DTNBP1: variants seen among roughly 807,000 people sequenced by gnomAD.
DTNBP1 encodes dysbindin.
A neutral mutation model predicts 42.8 loss-of-function variants in DTNBP1; 35 were observed. The ratio of observed to expected loss-of-function variants is 0.82; its 90% CI spans 0.63 to 1.09. DTNBP1 has a LOEUF of 1.09. Among genes scored for constraint, DTNBP1 ranks in the 50% least tolerant of loss-of-function variants. The pLI is 0.00. For missense variants in DTNBP1, 457 were observed against 424.2 expected, an observed-to-expected ratio of 1.08 and a Z score of -0.68; for synonymous variants, 171 against 162.2, an observed-to-expected ratio of 1.05 and a Z score of -0.41.
intron 6 of DTNBP1, among the ~76,000 whole-genome samples, chr6:15,611,835 G>C (rs553196958): frequency 6.6e-6 from 1 of 152,308 alleles, no homozygotes; most frequent in East Asian, 1.9e-4. Flanking sequence ...AACAGATGAG[G>C]AGTTACTTCC....
intron 7 of DTNBP1, among the ~76,000 whole-genome samples, chr6:15,544,061 G>A (rs1257097920): frequency 1.3e-5 from 2 of 152,178 alleles, no homozygotes; most frequent in Non-Finnish European, 2.9e-5. Context: ...GTGACACCAA[G>A]CATTTACTTC....
chr6:15,642,115 G>A (rs1562008831), intron 3 of DTNBP1, among the ~76,000 whole-genome samples: 1 of 152,094 alleles, frequency 6.6e-6, no homozygotes, highest in Non-Finnish European at 1.5e-5. Flanking sequence ...AGGAAGGGTA[G>A]GGCCCAACTC....
chr6:15,626,372 T>C (rs988607992), intron 5 of DTNBP1, among the ~76,000 whole-genome samples: 1 of 152,236 alleles, frequency 6.6e-6, no homozygotes, highest in Non-Finnish European at 1.5e-5. Flanking sequence ...GTATCTATTT[T>C]GTTCACACAC....
At chr6:15,635,766 C>T (rs1759971646) in intron 4 of DTNBP1, among the ~76,000 whole-genome samples, 1 of 152,166 alleles carries the variant, frequency 6.6e-6, no homozygotes, top group South Asian at 2.1e-4. Flanking sequence ...TTGACTCTCT[C>T]TTGTACCTCA....
intron 7 of DTNBP1, among the ~76,000 whole-genome samples, chr6:15,548,523 G>C (rs1774026703): frequency 6.6e-6 from 1 of 151,320 alleles, no homozygotes; most frequent in Non-Finnish European, 1.5e-5. Context: ...AAGGCAGGAA[G>C]GACGTTTTTT....
chr6:15,652,177 C>T, intron 1 of DTNBP1, 37 bp from the exon 2 acceptor site: 2 of 1,483,480 alleles, frequency 1.3e-6, no homozygotes, highest in Admixed American at 3.7e-5. Context: ...TTTTACAAGT[C>T]AAGAGATTAT....
chr6:15,662,895 T>A lies in DTNBP1; in HGVS notation c.-26A>T. ...TGCCGCCGCCGCCGGTCTCCTCTCC[T>A]CAGGCCTCGGGCTGCTGCTGCCTCT... On this transcript the variant is annotated 5_prime_UTR_variant, in exon 1 of 10. Coordinates refer to ENST00000344537, the MANE Select transcript of DTNBP1 (RefSeq NM_032122.5). The A allele has an allele frequency of 6.2e-7, 1 of 1,602,498 alleles. No homozygotes were observed.
chr6:15,568,059 G>A (rs999689214), intron 7 of DTNBP1, among the ~76,000 whole-genome samples: 2 of 152,256 alleles, frequency 1.3e-5, no homozygotes, highest in South Asian at 2.1e-4. Context: ...AGCAGAATCA[G>A]GAAGGCCACT....
rs957973821 is a variant in DTNBP1, at chr6:15,654,831, T to C, written c.57-2691A>G. ...ATTTGAACAAACCAACTGTAAAAAG[T>C]CGTTTCTAAGAACAAAAGAAGTCTG... On this transcript the variant is annotated intron_variant, in intron 1 of 9. Transcript: ENST00000344537. Among the ~76,000 whole-genome samples the C allele has an allele frequency of 4.9e-4, 75 of 152,344 alleles. 1 individual carries two copies. Among genetic ancestry groups the C allele is most frequent in the African/African-American group, 1.8e-3 (73 of 41,582 alleles).
intron 1 of DTNBP1, among the ~76,000 whole-genome samples, chr6:15,659,231 A>G (rs762098288): frequency 1.3e-5 from 2 of 152,254 alleles, no homozygotes; most frequent in Non-Finnish European, 2.9e-5. Context: ...AAATTTATCT[A>G]GAGTTAGGGC....
chr6:15,662,856 A>AG lies in DTNBP1; in HGVS notation c.13dup (p.Leu5ProfsTer21). 1 of 1,608,030 alleles carries AG rather than the reference A, an allele frequency of 6.2e-7. No individual in the cohort carries two copies. Among genetic ancestry groups the AG allele is most frequent in the Non-Finnish European group, 8.5e-7 (1 of 1,179,480 alleles). The stretch of plus-strand genomic sequence containing the variant: ...CTGCACGCTCAGCAGCCGCTCGCGA[A>AG]GGGTCTCCAGCATTGCCGCCGCCGC... On this transcript the variant is annotated frameshift_variant, in exon 1 of 10. Transcript: ENST00000344537. LOFTEE classifies it high-confidence loss of function.
chr6:15,552,216 G>A (rs1432432453), intron 7 of DTNBP1, among the ~76,000 whole-genome samples: 1 of 152,064 alleles, frequency 6.6e-6, no homozygotes, highest in Non-Finnish European at 1.5e-5. Context: ...AGCTGGCCAG[G>A]AAATCTGTAA....
In DTNBP1 at chr6:15,615,248, G is replaced by A; in HGVS notation, c.488+19C>T. On this transcript the variant is annotated intron_variant, in intron 6 of 9. Transcript: ENST00000344537. ...CTTCGAGACTGGAATGAATACTGTGGCAAACTTTTCAAACTCACCTCTTAT... is the reference window on the plus strand; with the variant it reads ...CTTCGAGACTGGAATGAATACTGTGACAAACTTTTCAAACTCACCTCTTAT... 6.2e-7 allele frequency: 1 copy of A among 1,614,104 alleles called. No homozygotes were observed. The highest frequency in any genetic ancestry group is 8.5e-7 in the Non-Finnish European group (1 of 1,179,984).
At chr6:15,627,231 T>G (rs780360890) in intron 5 of DTNBP1, 112 bp downstream of exon 5, 12 of 1,398,400 alleles carry the variant, frequency 8.6e-6, no homozygotes, top group Non-Finnish European at 1.2e-5. Context: ...TTCCAAAAAA[T>G]CCTGTTAACC....
At chr6:15,656,924 T>C (rs1487203761) in intron 1 of DTNBP1, among the ~76,000 whole-genome samples, 1 of 152,164 alleles carries the variant, frequency 6.6e-6, no homozygotes. Context: ...GTGAGGACGA[T>C]TGCTTTAAAG....
chr6:15,551,143 A>G (rs1484825831), intron 7 of DTNBP1, among the ~76,000 whole-genome samples: 1 of 152,126 alleles, frequency 6.6e-6, no homozygotes, highest in Non-Finnish European at 1.5e-5. Context: ...AATGAGCAGA[A>G]AGAGAGGTGA....
At position 15,533,354 on chromosome 6, in the gene DTNBP1, C is replaced by A. The variant is rs748965197; in HGVS notation, c.553G>T (p.Glu185Ter). 1.2e-6 allele frequency: 2 copies of A among 1,614,200 alleles called. No individual in the cohort carries two copies. The highest frequency in any genetic ancestry group is 1.7e-6 in the Non-Finnish European group (2 of 1,180,048). The stretch of plus-strand genomic sequence containing the variant: ...TTCAGCTTCATTTGCTGGGTGTGCT[C>A]CATTTCCAGGACCTTCTGGGCGTGC... ...AEHAQKVLEMEHTQQMKLKER... is the reference protein window; with the variant it reads ...AEHAQKVLEM Residue 185 changes from glutamate (E) to a stop codon, truncating the protein, a stop_gained, in exon 8 of 10, where the codon GAG (glutamate) becomes TAG (stop). Coordinates refer to ENST00000344537, the MANE Select transcript of DTNBP1 (RefSeq NM_032122.5). LOFTEE classifies it high-confidence loss of function.
At chr6:15,570,191 T>C (rs1433881449) in intron 7 of DTNBP1, among the ~76,000 whole-genome samples, 1 of 151,896 alleles carries the variant, frequency 6.6e-6, no homozygotes, top group African/African-American at 2.4e-5. Context: ...AAAAAGACCA[T>C]TTACCCACAC....
chr6:15,623,732 A>C (rs1033024495), intron 5 of DTNBP1, among the ~76,000 whole-genome samples: 2 of 152,232 alleles, frequency 1.3e-5, no homozygotes, highest in Non-Finnish European at 2.9e-5. Flanking sequence ...TGGAAGTTCA[A>C]GATAATTCAG....
Sources: gnomAD v4.1 joint callset for allele counts (sites outside exome capture counted in the v4.1 genomes callset) on GRCh38, gnomAD v4.1.1 for gene constraint, MANE v1.5 for transcripts, NCBI Gene and HGNC (gene_info 2026-07-23, HGNC 2026-07-21) for gene names.